Variants in SEC24A observed in about 807,000 individuals in gnomAD.
SEC24A encodes protein transport protein Sec24A.
SEC24A carries 93 observed loss-of-function variants against 129.4 expected under a neutral mutation model. That is an observed-to-expected ratio of 0.72 (90% CI 0.61 to 0.85). The LOEUF (loss-of-function observed/expected upper bound fraction) is 0.85, where lower values mean the gene tolerates loss of function less well. SEC24A is among the 40% of genes least tolerant of loss of function. SEC24A has a pLI of 0.00. For missense variants in SEC24A, 1,264 were observed against 1,307.4 expected, an observed-to-expected ratio of 0.97 and a Z score of 0.51; for synonymous variants, 460 against 467.3, an observed-to-expected ratio of 0.98 and a Z score of 0.20.
intron 9 of SEC24A, among the ~76,000 whole-genome samples, chr5:134,684,994 G>A (rs934905411): frequency 1.1e-4 from 16 of 152,098 alleles, no homozygotes; most frequent in Non-Finnish European, 2.2e-4. Flanking sequence ...ATATATAAAA[G>A]TACAGTTGAC....
chr5:134,661,085 T>C, intron 1 of SEC24A, 34 bp from the exon 2 acceptor site: 1 of 1,436,178 alleles, frequency 7.0e-7, no homozygotes, highest in Non-Finnish European at 9.5e-7. Context: ...CTATATTCGT[T>C]GGTAAGACTA....
In SEC24A at chr5:134,725,351, AGTT is replaced by A; in HGVS notation, c.*261_*263del. 3.5e-6 allele frequency: 1 copy of A among 282,782 alleles called. No individual in the cohort carries two copies. The highest frequency in any genetic ancestry group is 6.5e-6 in the Non-Finnish European group (1 of 153,480). 17.5% of individuals were successfully genotyped at this position (282,782 alleles called of 1,614,324 possible). ...ACTTTTTTCTTGCCAATTATGTTTG[AGTT>A]GTTATGGATTAAAATAAGAATATTG... On this transcript the variant is annotated 3_prime_UTR_variant, in exon 23 of 23. Coordinates refer to ENST00000398844, the MANE Select transcript of SEC24A (RefSeq NM_021982.3).
chr5:134,666,931 C>T lies in SEC24A; in HGVS notation c.674C>T (p.Thr225Met), dbSNP rs1170089250. Residue 225 changes from threonine to methionine, a missense_variant, in exon 3 of 23, where the codon ACG (threonine) becomes ATG (methionine). Coordinates refer to ENST00000398844, the MANE Select transcript of SEC24A (RefSeq NM_021982.3). ...AGGPPPVRAL[T>M]PLTSSYRDVP... is the part of the protein sequence containing the mutation. ...GGCCCACCCCCAGTGAGGGCCCTCA[C>T]GCCCCTGACATCATCATATAGAGAT... The T allele has an allele frequency of 1.1e-5, 17 of 1,613,702 alleles. No homozygotes were observed. The highest frequency in any genetic ancestry group is 5.3e-5 in the African/African-American group (4 of 74,884).
chr5:134,693,267 C>G, intron 12 of SEC24A: 1 of 1,432,386 alleles, frequency 7.0e-7, no homozygotes, highest in Non-Finnish European at 9.1e-7. Flanking sequence ...ATTTGTACAA[C>G]CTAACCTGTA....
At chr5:134,682,338 G>T (rs779246711) in intron 8 of SEC24A, 35 bp from the exon 9 acceptor site, 15 of 1,133,428 alleles carry the variant, frequency 1.3e-5, no homozygotes, top group African/African-American at 7.8e-5. Flanking sequence ...ATTCTTTTCA[G>T]TTTTTTCAAT....
intron 21 of SEC24A, among the ~76,000 whole-genome samples, chr5:134,721,363 G>C (rs907072831): frequency 1.1e-4 from 16 of 151,818 alleles, no homozygotes; most frequent in African/African-American, 3.9e-4. Context: ...AAGAGATCGA[G>C]ACCATCCTGG....
chr5:134,685,631 C>T (rs1751426357), intron 9 of SEC24A, among the ~76,000 whole-genome samples: 1 of 152,098 alleles, frequency 6.6e-6, no homozygotes, highest in Non-Finnish European at 1.5e-5. Flanking sequence ...CCAGTTCTGA[C>T]TGTGGCTATT....
intron 18 of SEC24A, among the ~76,000 whole-genome samples, chr5:134,711,948 G>C (rs926413876): frequency 2.6e-5 from 4 of 151,596 alleles, no homozygotes; most frequent in Admixed American, 6.6e-5. Flanking sequence ...GGGGTTTCAC[G>C]GTGTTAGCCA....
At chr5:134,696,552 G>A (rs1319024255) in intron 13 of SEC24A, among the ~76,000 whole-genome samples, 1 of 151,980 alleles carries the variant, frequency 6.6e-6, no homozygotes, top group Non-Finnish European at 1.5e-5. Flanking sequence ...AGGCTGGAGT[G>A]CAGTGGTGCG....
At chr5:134,698,297 G>GT (rs944418916) in intron 15 of SEC24A, among the ~76,000 whole-genome samples, 10 of 152,026 alleles carry the variant, frequency 6.6e-5, no homozygotes, top group African/African-American at 2.2e-4. Flanking sequence ...AATTATCTCA[G>GT]TTTTTTAAAA....
rs1751739371 is a variant in SEC24A at position 134,693,876 on chromosome 5, T to A, written c.1929T>A (p.Thr643=). 1 of 1,614,032 alleles carries A rather than the reference T, an allele frequency of 6.2e-7. No individual in the cohort carries two copies. Among genetic ancestry groups the A allele is most frequent in the East Asian group, 2.2e-5 (1 of 44,880 alleles). Residue 643 remains threonine, a synonymous_variant, in exon 13 of 23, where the codon ACT becomes ACA. Transcript: ENST00000398844. ...CTGTCTTTCAAACACAACTCCCAAC[T>A]CTTGGAGTGGGAGCCCTGAAACCAC... The part of the protein sequence containing the change: ...RMSVFQTQLP[T]LGVGALKPRE...
At position 134,693,741 on chromosome 5, in the gene SEC24A, A is replaced by G. The variant is rs770068448; in HGVS notation, c.1794A>G (p.Leu598=). ...LNESKELVQD[L]LKTLPQMFTK... ...TGTTTTACAAGCTCGTGCAAGATTT[A>G]CTGAAAACTTTGCCACAAATGTTTA... The change falls in exon 13 of 23, where the codon TTA becomes TTG. Residue 598 remains leucine (L), a synonymous_variant. Transcript: ENST00000398844. The G allele has an allele frequency of 1.1e-5, 18 of 1,613,798 alleles. No homozygotes were observed. The Middle Eastern group carries it at 5.0e-4, about 45-fold the overall frequency.
At chr5:134,677,671 T>C (rs145238772) in intron 7 of SEC24A, among the ~76,000 whole-genome samples, 11 of 151,854 alleles carry the variant, frequency 7.2e-5, no homozygotes, top group Non-Finnish European at 1.5e-4. Flanking sequence ...AACTCGTCTC[T>C]ACCAGAAATA....
intron 13 of SEC24A, 144 bp from the exon 14 acceptor site, chr5:134,696,982 G>C (rs1231790906): frequency 4.1e-6 from 2 of 487,958 alleles, no homozygotes; most frequent in Non-Finnish European, 7.2e-6. Flanking sequence ...AAATCAAGTA[G>C]TACCACAAAG....
chr5:134,694,450 G>A (rs546109281), intron 13 of SEC24A, among the ~76,000 whole-genome samples: 3 of 151,934 alleles, frequency 2.0e-5, no homozygotes, highest in Non-Finnish European at 4.4e-5. Flanking sequence ...ACGAGGTCAG[G>A]AGATCGAGAC....
intron 4 of SEC24A, among the ~76,000 whole-genome samples, chr5:134,674,132 C>T (rs1189587204): frequency 2.0e-5 from 3 of 150,894 alleles, no homozygotes; most frequent in African/African-American, 7.3e-5. Context: ...GACTCCATCT[C>T]GAAAAATAAA....
At chr5:134,693,150 T>A in intron 12 of SEC24A, 1 of 1,535,412 alleles carries the variant, frequency 6.5e-7, no homozygotes, top group South Asian at 1.2e-5. Flanking sequence ...ACCCTGTACA[T>A]GCATATATGC....
chr5:134,718,637 C>G (rs1320088116), intron 20 of SEC24A, among the ~76,000 whole-genome samples: 1 of 151,954 alleles, frequency 6.6e-6, no homozygotes, highest in African/African-American at 2.4e-5. Context: ...GTTTGTGTTT[C>G]AGTATTTAAC....
chr5:134,686,447 C>T (rs537217810), intron 9 of SEC24A, among the ~76,000 whole-genome samples: 4 of 152,150 alleles, frequency 2.6e-5, no homozygotes, highest in African/African-American at 9.6e-5. Context: ...ATGTTGGTCA[C>T]GCTGGTCTCG....
Sources: allele counts gnomAD v4.1 joint callset (sites outside exome capture counted in the v4.1 genomes callset), GRCh38; gene constraint gnomAD v4.1.1; transcripts MANE v1.5; gene names NCBI Gene and HGNC (gene_info 2026-07-23, HGNC 2026-07-21).